Variants in PDE11A observed in about 807,000 individuals in gnomAD.
PDE11A encodes dual 3',5'-cyclic-AMP and -GMP phosphodiesterase 11A.
A neutral mutation model predicts 100.5 loss-of-function variants in PDE11A; 100 were observed. The ratio of observed to expected loss-of-function variants is 1.00; its 90% CI spans 0.85 to 1.18. The LOEUF is 1.18. Among genes scored for constraint, PDE11A ranks in the 50% most tolerant of loss-of-function variants. The pLI is 0.00. For missense variants in PDE11A, 1,141 were observed against 1,152.6 expected (o/e 0.99, Z 0.15); for synonymous variants, 381 against 420.8 (o/e 0.91, Z 1.16).
chr2:177,685,380 T>A (rs1270232043), intron 15 of PDE11A, among the ~76,000 whole-genome samples: 1 of 152,102 alleles, frequency 6.6e-6, no homozygotes, highest in East Asian at 1.9e-4. Flanking sequence ...CATAACAAGT[T>A]GTAGAAAGTA....
chr2:177,959,366 T>G (rs560636425), intron 2 of PDE11A, among the ~76,000 whole-genome samples: 70 of 152,300 alleles, frequency 4.6e-4, no homozygotes, highest in Non-Finnish European at 6.3e-4. Flanking sequence ...CCGTGGCAGT[T>G]TTTTATGCAT....
At chr2:177,738,419 C>A (rs1275574212) in intron 10 of PDE11A, among the ~76,000 whole-genome samples, 1 of 152,114 alleles carries the variant, frequency 6.6e-6, no homozygotes, top group East Asian at 1.9e-4. Context: ...TTGGGGGAGA[C>A]AAGAGGCAGT....
chr2:178,049,203 T>C (rs1405025569), intron 1 of PDE11A, among the ~76,000 whole-genome samples: 1 of 152,224 alleles, frequency 6.6e-6, no homozygotes. Context: ...CAGTGGCATA[T>C]GTTAAGAGTT....
chr2:177,764,165 T>C (rs1471580065), intron 10 of PDE11A, among the ~76,000 whole-genome samples: 3 of 152,378 alleles, frequency 2.0e-5, no homozygotes, highest in Admixed American at 6.5e-5. Flanking sequence ...AGTATATAAA[T>C]GCCACAAGGA....
chr2:177,957,177 G>A (rs115040973), intron 2 of PDE11A, among the ~76,000 whole-genome samples: 670 of 152,020 alleles, frequency 4.4e-3, no homozygotes, highest in Non-Finnish European at 5.5e-3. Flanking sequence ...CTGGCTTCTC[G>A]TAGCACAAGA....
intron 1 of PDE11A, among the ~76,000 whole-genome samples, chr2:178,064,977 GA>G (rs377766244): frequency 1.3e-5 from 2 of 151,606 alleles, no homozygotes; most frequent in South Asian, 2.1e-4. Flanking sequence ...ACCAATTAAT[GA>G]AAAAAACCTC....
chr2:177,660,460 T>G (rs2080469611), intron 19 of PDE11A, among the ~76,000 whole-genome samples: 1 of 152,174 alleles, frequency 6.6e-6, no homozygotes, highest in Non-Finnish European at 1.5e-5. Flanking sequence ...ACATCGTTTT[T>G]TTCTGTTTTA....
intron 19 of PDE11A, among the ~76,000 whole-genome samples, chr2:177,632,767 G>A (rs2079973140): frequency 6.6e-6 from 1 of 152,070 alleles, no homozygotes; most frequent in Non-Finnish European, 1.5e-5. Context: ...CCTACTAACT[G>A]TACCGAACTT....
chr2:177,646,170 C>T lies in PDE11A; in HGVS notation c.2647-16608G>A, dbSNP rs944070274. On this transcript the variant is annotated intron_variant, in intron 19 of 19. Transcript: ENST00000286063. ...AAACTAAAATGTTTACAGGGCCAGGCCACTAAAGTTAATGACTGAAATAGG... is the reference window on the plus strand; with the variant it reads ...AAACTAAAATGTTTACAGGGCCAGGTCACTAAAGTTAATGACTGAAATAGG... 3.9e-5 allele frequency among the ~76,000 whole-genome samples: 6 copies of T among 152,162 alleles called. No homozygotes were observed. In the South Asian group the frequency reaches 1.2e-3, roughly 32 times the overall value.
At chr2:177,746,706 G>C (rs1013840053) in intron 10 of PDE11A, among the ~76,000 whole-genome samples, 5 of 152,240 alleles carry the variant, frequency 3.3e-5, no homozygotes, top group Admixed American at 3.3e-4. Flanking sequence ...GCAAAGACAG[G>C]CTTCACTTGT....
intron 2 of PDE11A, among the ~76,000 whole-genome samples, chr2:177,928,450 GTCTT>G (rs2085160593): frequency 6.6e-6 from 1 of 152,170 alleles, no homozygotes; most frequent in Non-Finnish European, 1.5e-5. Flanking sequence ...GTGAACTATG[GTCTT>G]GCCACTGCCT....
At chr2:178,044,293 C>T (rs2086717199) in intron 1 of PDE11A, among the ~76,000 whole-genome samples, 1 of 99,096 alleles carries the variant, frequency 1.0e-5, no homozygotes, top group African/African-American at 3.7e-5. Flanking sequence ...ATGCAATGAC[C>T]AAAGAAGTGA....
chr2:178,012,460 G>C (rs16866003), intron 2 of PDE11A, among the ~76,000 whole-genome samples: 2,236 of 152,214 alleles, frequency 0.015, 42 homozygotes, highest in East Asian at 0.09. Context: ...TCCTGCTATA[G>C]AGTGGTGAAT....
intron 10 of PDE11A, among the ~76,000 whole-genome samples, chr2:177,735,873 C>G (rs183471752): frequency 6.6e-6 from 1 of 152,208 alleles, no homozygotes; most frequent in African/African-American, 2.4e-5. Flanking sequence ...AGTGACCAGT[C>G]TCCATTCTCT....
At chr2:177,782,109 A>T (rs1038489281) in intron 9 of PDE11A, among the ~76,000 whole-genome samples, 8 of 152,230 alleles carry the variant, frequency 5.3e-5, no homozygotes, top group African/African-American at 1.9e-4. Flanking sequence ...CAACACTGAC[A>T]TTCATTTGGC....
chr2:177,794,733 C>T (rs564935522), intron 9 of PDE11A, among the ~76,000 whole-genome samples: 47 of 152,180 alleles, frequency 3.1e-4, no homozygotes, highest in Middle Eastern at 3.4e-3. Flanking sequence ...ACCCGACAAA[C>T]GAATGTCTGC....
chr2:177,909,609 C>T (rs2084846114), intron 2 of PDE11A, among the ~76,000 whole-genome samples: 1 of 152,172 alleles, frequency 6.6e-6, no homozygotes, highest in African/African-American at 2.4e-5. Context: ...CAAATGTTGG[C>T]CCTATTGGAC....
At chr2:177,678,723 T>C (rs2080816108) in intron 16 of PDE11A, among the ~76,000 whole-genome samples, 1 of 152,168 alleles carries the variant, frequency 6.6e-6, no homozygotes, top group South Asian at 2.1e-4. Context: ...CTCCATTTTA[T>C]GTAACATGCT....
chr2:178,012,910 T>A (rs2105826310), intron 2 of PDE11A, among the ~76,000 whole-genome samples: 1 of 152,288 alleles, frequency 6.6e-6, no homozygotes, highest in South Asian at 2.1e-4. Context: ...AGGCACATCA[T>A]CTCAGGACTC....
Sources: gnomAD v4.1 joint callset for allele counts (sites outside exome capture counted in the v4.1 genomes callset) on GRCh38, gnomAD v4.1.1 for gene constraint, MANE v1.5 for transcripts, NCBI Gene and HGNC (gene_info 2026-07-23, HGNC 2026-07-21) for gene names.